The following ESYT2 variants were observed in gnomAD, a reference collection of about 807,000 sequenced individuals.
ESYT2 encodes extended synaptotagmin 2, also known as extended synaptotagmin-2.
A neutral mutation model predicts 107.2 loss-of-function variants in ESYT2; 54 were observed. The ratio of observed to expected loss-of-function variants is 0.50; its 90% confidence interval spans 0.40 to 0.63. The LOEUF is 0.63. Among genes scored for constraint, ESYT2 ranks in the 30% least tolerant of loss-of-function variants. ESYT2 has a pLI of 0.00. For synonymous variants in ESYT2, 491 were observed against 434.1 expected (o/e 1.13, Z -1.63); for missense variants, 1,020 against 1,094.5 (o/e 0.93, Z 0.96).
chr7:158,731,075 CTTT>C lies in ESYT2; in HGVS notation c.*3129_*3131del, dbSNP rs964770298. On this transcript the variant is annotated 3_prime_UTR_variant, in exon 23 of 23. Transcript: ENST00000275418. ...AGTTGAACAGAAAGGAGGTTCTCTA[CTTT>C]TTAACCCCCATCCCCCACCGCTGTT... is the stretch of plus-strand genomic sequence containing the variant. 1 of 152,162 alleles carries C rather than the reference CTTT, an allele frequency of 6.6e-6. No homozygotes were observed. The highest frequency in any genetic ancestry group is 1.5e-5 in the Non-Finnish European group (1 of 68,038). The allele number at this position is 152,162 out of a possible 1,614,324, so 9.4% of individuals were successfully genotyped here.
intron 21 of ESYT2, among the ~76,000 whole-genome samples, chr7:158,735,277 T>C (rs1359022068): frequency 6.6e-6 from 1 of 152,256 alleles, no homozygotes; most frequent in African/African-American, 2.4e-5. Flanking sequence ...AAGAGATTAT[T>C]TTCCTTCAAT....
In ESYT2 at chr7:158,732,630, A is replaced by G. The variant is rs1836786396; in HGVS notation, c.*1577T>C. 6.6e-6 allele frequency: 1 copy of G among 152,568 alleles called. No individual in the cohort carries two copies. Among genetic ancestry groups the G allele is most frequent in the Non-Finnish European group, 1.5e-5 (1 of 68,042 alleles). The allele number at this position is 152,568 out of a possible 1,614,324, so 9.5% of individuals were successfully genotyped here. The stretch of plus-strand genomic sequence containing the variant: ...GTAGACAGCCACCAGCCTTGTTTAT[A>G]AATTCAAACAAAATAAGAATCTGCT... On this transcript the variant is annotated 3_prime_UTR_variant, in exon 23 of 23. Transcript: ENST00000275418.
intron 1 of ESYT2, among the ~76,000 whole-genome samples, chr7:158,813,985 G>A (rs74878950): frequency 0.1 from 15,428 of 150,160 alleles, 1,290 homozygotes; most frequent in East Asian, 0.43. Context: ...AAAAATATAT[G>A]TTACTCAGGC....
chr7:158,776,283 G>A (rs1052302323), intron 6 of ESYT2, among the ~76,000 whole-genome samples: 3 of 152,216 alleles, frequency 2.0e-5, no homozygotes, highest in Admixed American at 2.0e-4. Context: ...TGCATTAGCT[G>A]TGACAAGACA....
chr7:158,760,834 C>T (rs1837936963), intron 11 of ESYT2, among the ~76,000 whole-genome samples: 1 of 152,158 alleles, frequency 6.6e-6, no homozygotes, highest in Non-Finnish European at 1.5e-5. Context: ...CAGGACTGTC[C>T]ATCCAGTGCC....
intron 1 of ESYT2, among the ~76,000 whole-genome samples, chr7:158,799,554 A>G (rs1378087096): frequency 6.6e-6 from 1 of 152,158 alleles, no homozygotes. Flanking sequence ...TGAGCCCAGG[A>G]GCTTGTCTGC....
chr7:158,785,128 A>G (rs1332137772), intron 6 of ESYT2, among the ~76,000 whole-genome samples: 2 of 152,102 alleles, frequency 1.3e-5, no homozygotes, highest in African/African-American at 4.8e-5. Context: ...CTTACTGATA[A>G]TTCACCTCTA....
intron 1 of ESYT2, among the ~76,000 whole-genome samples, chr7:158,818,452 CAACAGCGTAAACAAACCACGGTGG>C (rs902121802): frequency 6.6e-6 from 1 of 152,164 alleles, no homozygotes; most frequent in Non-Finnish European, 1.5e-5. Flanking sequence ...AAATTCTTAG[CAACAGCGTAAACAAACCACGGTGG>C]AACAGAAACA....
intron 6 of ESYT2, among the ~76,000 whole-genome samples, chr7:158,773,841 A>T (rs1464043426): frequency 6.6e-6 from 1 of 152,230 alleles, no homozygotes; most frequent in Non-Finnish European, 1.5e-5. Flanking sequence ...AAAATACTGT[A>T]TCCATTTACA....
intron 4 of ESYT2, among the ~76,000 whole-genome samples, 197 bp from the exon 5 acceptor site, chr7:158,788,614 C>CGTTGGG (rs1839185801): frequency 6.6e-6 from 1 of 152,182 alleles, no homozygotes; most frequent in African/African-American, 2.4e-5. Flanking sequence ...TCAGATCCAA[C>CGTTGGG]ACTGCTATGA....
intron 7 of ESYT2, among the ~76,000 whole-genome samples, chr7:158,768,458 T>A (rs893507311): frequency 3.3e-5 from 5 of 152,222 alleles, no homozygotes; most frequent in African/African-American, 1.2e-4. Flanking sequence ...TTGATCCTGT[T>A]GCCCAGGCTG....
chr7:158,790,508 G>T (rs1278600830), intron 4 of ESYT2, among the ~76,000 whole-genome samples: 1 of 152,198 alleles, frequency 6.6e-6, no homozygotes, highest in African/African-American at 2.4e-5. Context: ...CCTCCAGCCC[G>T]GGTGACAGAG....
intron 13 of ESYT2, among the ~76,000 whole-genome samples, chr7:158,753,467 G>C (rs1342397228): frequency 6.6e-6 from 1 of 152,042 alleles, no homozygotes; most frequent in African/African-American, 2.4e-5. Context: ...CAATTCATTA[G>C]TTTCTTGCCC....
intron 1 of ESYT2, among the ~76,000 whole-genome samples, chr7:158,806,503 T>G (rs1489121337): frequency 6.6e-6 from 1 of 152,344 alleles, no homozygotes; most frequent in East Asian, 1.9e-4. Context: ...AGGACTAATA[T>G]TCAATGGCAG....
At chr7:158,796,199 G>A (rs577546446) in intron 3 of ESYT2, among the ~76,000 whole-genome samples, 54 of 152,278 alleles carry the variant, frequency 3.5e-4, no homozygotes, top group Non-Finnish European at 6.5e-4. Flanking sequence ...GAACTATCAC[G>A]TTCTGAGTCT....
At chr7:158,769,470 G>A (rs569606105) in intron 7 of ESYT2, among the ~76,000 whole-genome samples, 2 of 152,172 alleles carry the variant, frequency 1.3e-5, no homozygotes, top group African/African-American at 2.4e-5. Flanking sequence ...GCATGTCCCC[G>A]AACTGTGGAT....
chr7:158,736,605 TC>T (rs554743569), intron 20 of ESYT2, among the ~76,000 whole-genome samples: 400 of 139,604 alleles, frequency 2.9e-3, no homozygotes, highest in African/African-American at 0.011. Context: ...ACCATTCTTT[TC>T]ATTATGTTTT....
chr7:158,761,113 G>A (rs1483483222), intron 11 of ESYT2, among the ~76,000 whole-genome samples: 1 of 152,076 alleles, frequency 6.6e-6, no homozygotes, highest in Non-Finnish European at 1.5e-5. Context: ...TGCCTCACTG[G>A]CCGCACTGTG....
At chr7:158,748,823 A>C (rs1837490913) in intron 15 of ESYT2, among the ~76,000 whole-genome samples, 1 of 150,760 alleles carries the variant, frequency 6.6e-6, no homozygotes, top group South Asian at 2.1e-4. Flanking sequence ...GGGTTCAAGC[A>C]ATTCCCCTGC....
Sources: allele counts gnomAD v4.1 joint callset (sites outside exome capture counted in the v4.1 genomes callset), GRCh38; gene constraint gnomAD v4.1.1; transcripts MANE v1.5; gene names NCBI Gene and HGNC (gene_info 2026-07-23, HGNC 2026-07-21).